The following PPFIA1 variants were observed in gnomAD, a reference collection of about 807,000 sequenced individuals.
The protein encoded by PPFIA1 is liprin-alpha-1.
Under a neutral mutation model 149.9 loss-of-function variants are expected in PPFIA1, and 25 were observed. That is an observed-to-expected ratio of 0.17 (90% confidence interval 0.12 to 0.23). PPFIA1 has a LOEUF of 0.23. Ranked by LOEUF, PPFIA1 falls within the 10% of genes least tolerant of loss-of-function variation. The probability of loss-of-function intolerance (pLI) is 1.00; values close to 1 mark genes in which losing one functional copy is unlikely to be tolerated. For missense variants in PPFIA1, 1,362 were observed against 1,506.5 expected, an observed-to-expected ratio of 0.90 and a Z score of 1.59; for synonymous variants, 549 against 552.8, an observed-to-expected ratio of 0.99 and a Z score of 0.10.
intron 2 of PPFIA1, among the ~76,000 whole-genome samples, chr11:70,311,670 T>C (rs1473585305): frequency 6.6e-6 from 1 of 152,198 alleles, no homozygotes; most frequent in East Asian, 1.9e-4. Context: ...AATGGCACTT[T>C]TGATGGTTTT....
chr11:70,276,694 T>G (rs2050397240), intron 2 of PPFIA1, among the ~76,000 whole-genome samples: 1 of 152,168 alleles, frequency 6.6e-6, no homozygotes, highest in Non-Finnish European at 1.5e-5. Context: ...GAATTAATTT[T>G]ATAGGTAGAT....
intron 26 of PPFIA1, among the ~76,000 whole-genome samples, chr11:70,381,512 A>T (rs2057710150): frequency 6.6e-6 from 1 of 152,222 alleles, no homozygotes. Flanking sequence ...CCACCCCTGC[A>T]GCCAGATCTC....
In PPFIA1 at chr11:70,339,219, C is replaced by G. The variant is rs1061328; in HGVS notation, c.1620C>G (p.Asp540Glu). 5.6e-6 allele frequency: 9 copies of G among 1,613,972 alleles called. No homozygotes were observed. The Admixed American group carries it at 1.0e-4, about 18-fold the overall frequency. Residue 540 changes from aspartate (D) to glutamate (E), a missense_variant, in exon 14 of 28, where the codon GAC (aspartate) becomes GAG (glutamate). Physicochemically the swap from Asp to Glu is conservative, Grantham distance 45 (BLOSUM62 2). This residue lies in a region of PPFIA1 where 733 missense variants were observed against 744.1 expected (regional missense o/e 0.99). Transcript: ENST00000253925. ...SVPDFRFPMA[D>E]GHTDSYSTSA... ...CAGATTTCAGGTTCCCCATGGCAGA[C>G]GGCCACACAGACTCCTACAGCACCA...
chr11:70,366,409 A>G (rs978186915), intron 21 of PPFIA1, among the ~76,000 whole-genome samples: 4 of 152,240 alleles, frequency 2.6e-5, no homozygotes, highest in Non-Finnish European at 4.4e-5. Context: ...TTTACTAAAT[A>G]CTATCCTAAT....
At position 70,337,382 on chromosome 11, in the gene PPFIA1, A is replaced by T; in HGVS notation, c.1446A>T (p.Glu482Asp). 1 of 1,597,908 alleles carries T rather than the reference A, an allele frequency of 6.3e-7. No individual in the cohort carries two copies. Among genetic ancestry groups the T allele is most frequent in the Non-Finnish European group, 8.5e-7 (1 of 1,170,998 alleles). ...ALEDKNSLLREVESAKKQLEE... is the reference protein window; with the variant it reads ...ALEDKNSLLRDVESAKKQLEE... ...TTTTTCAGAACTCTCTTTTAAGAGAAGTTGAAAGTGCAAAAAAGCAGTTAG... is the reference window on the plus strand; with the variant it reads ...TTTTTCAGAACTCTCTTTTAAGAGATGTTGAAAGTGCAAAAAAGCAGTTAG... The change falls in exon 12 of 28, where the codon GAA becomes GAT. Residue 482 changes from glutamate (E) to aspartate (D), a missense_variant. This residue lies in a region of PPFIA1 where 733 missense variants were observed against 744.1 expected (regional missense o/e 0.99). Transcript: ENST00000253925.
At chr11:70,316,100 T>C (rs1026493329) in intron 2 of PPFIA1, among the ~76,000 whole-genome samples, 16 of 152,130 alleles carry the variant, frequency 1.1e-4, no homozygotes, top group South Asian at 2.1e-4. Context: ...AGACAGAGTT[T>C]GGCTCTCATT....
At chr11:70,280,249 T>C (rs775004818) in intron 2 of PPFIA1, among the ~76,000 whole-genome samples, 1 of 148,914 alleles carries the variant, frequency 6.7e-6, no homozygotes, top group Non-Finnish European at 1.5e-5. Context: ...TATATATATA[T>C]AAATATATAT....
intron 2 of PPFIA1, among the ~76,000 whole-genome samples, chr11:70,317,822 C>T (rs1202428602): frequency 6.6e-6 from 1 of 152,156 alleles, no homozygotes; most frequent in African/African-American, 2.4e-5. Flanking sequence ...GCTCTTCCTC[C>T]ACTTCCAGGT....
At chr11:70,348,511 T>A in intron 16 of PPFIA1, 91 bp downstream of exon 16, 1 of 1,046,074 alleles carries the variant, frequency 9.6e-7, no homozygotes. Flanking sequence ...GAAAATCAAG[T>A]ACATTCGTTA....
chr11:70,329,605 C>T (rs1263560075), intron 7 of PPFIA1, among the ~76,000 whole-genome samples: 2 of 152,110 alleles, frequency 1.3e-5, no homozygotes, highest in Non-Finnish European at 2.9e-5. Context: ...TGCCACCATG[C>T]GTGGCTAATT....
In PPFIA1 at chr11:70,329,204, T is replaced by C. The variant is rs1235927175; in HGVS notation, c.931-969T>C. 5.9e-5 allele frequency among the ~76,000 whole-genome samples: 9 copies of C among 152,334 alleles called. No individual in the cohort carries two copies. In the East Asian group the frequency reaches 1.3e-3, roughly 23 times the overall value. ...TTTGTAGCGTGAGGCAGACGTAGAC[T>C]GCGTCTTCTTTGAGGACACTTTCAC... On this transcript the variant is annotated intron_variant, in intron 7 of 27. Transcript: ENST00000253925.
In PPFIA1 at chr11:70,333,452, C is replaced by T. The variant is rs753217079; in HGVS notation, c.1213-18C>T. 1.3e-5 allele frequency: 21 copies of T among 1,594,320 alleles called. No individual in the cohort carries two copies. In the African/African-American group the frequency reaches 2.0e-4, roughly 15 times the overall value. ...GAAGTGTAAGGATGACGTCAGCGTACGCTGTTTCTGCTGACAGGCTGAAGA... is the reference window on the plus strand; with the variant it reads ...GAAGTGTAAGGATGACGTCAGCGTATGCTGTTTCTGCTGACAGGCTGAAGA... On this transcript the variant is annotated intron_variant, in intron 9 of 27. Transcript: ENST00000253925.
intron 2 of PPFIA1, among the ~76,000 whole-genome samples, chr11:70,320,618 G>A (rs2053882789): frequency 6.6e-6 from 1 of 151,674 alleles, no homozygotes; most frequent in South Asian, 2.1e-4. Context: ...TTTATGTTTT[G>A]TAGAGATGGG....
At chr11:70,356,842 C>T (rs192464240) in intron 19 of PPFIA1, among the ~76,000 whole-genome samples, 29 of 152,306 alleles carry the variant, frequency 1.9e-4, no homozygotes, top group Admixed American at 1.8e-3. Context: ...AGTTTTATCT[C>T]AAATAGACTC....
chr11:70,310,707 A>G lies in PPFIA1; in HGVS notation c.265-13695A>G, dbSNP rs561068241. Among the ~76,000 whole-genome samples, 126 of 152,182 alleles carry G rather than the reference A, an allele frequency of 8.3e-4. 1 individual carries two copies. In the South Asian group the frequency reaches 0.026, roughly 31 times the overall value. On this transcript the variant is annotated intron_variant, in intron 2 of 27. Coordinates refer to ENST00000253925, the MANE Select transcript of PPFIA1 (RefSeq NM_003626.5). ...CCCCATGTACTTTTCTAAAAGCACT[A>G]AGGGCTTTTTTCCTCTTTTTCTCTT...
In PPFIA1 at chr11:70,333,475, A is replaced by G. The variant is rs2054791798; in HGVS notation, c.1218A>G (p.Glu406=). The G allele has an allele frequency of 1.2e-6, 2 of 1,612,614 alleles. No homozygotes were observed. The highest frequency in any genetic ancestry group is 1.7e-6 in the Non-Finnish European group (2 of 1,179,452). ...AQRVAALSKA[E]ERHGNIEERL... is the part of the protein sequence containing the mutation. ...TACGCTGTTTCTGCTGACAGGCTGA[A>G]GAGAGACACGGCAACATTGAAGAAA... Residue 406 remains glutamate (E), a synonymous_variant, in exon 10 of 28, where the codon GAA becomes GAG. Transcript: ENST00000253925.
rs143964646 is a variant in PPFIA1, at chr11:70,275,590, G to A, written c.264+3154G>A. Among the ~76,000 whole-genome samples, 18 of 152,170 alleles carry A rather than the reference G, an allele frequency of 1.2e-4. 1 individual carries two copies. In the East Asian group the frequency reaches 3.3e-3, roughly 28 times the overall value. ...GAAATTGACTTTGTTTATGGTATGC[G>A]ATGGGGCCAAGAGTCTCTCTTTCTT... On this transcript the variant is annotated intron_variant, in intron 2 of 27. Coordinates refer to ENST00000253925, the MANE Select transcript of PPFIA1 (RefSeq NM_003626.5).
chr11:70,283,063 C>G (rs2050874063), intron 2 of PPFIA1, among the ~76,000 whole-genome samples: 1 of 149,566 alleles, frequency 6.7e-6, no homozygotes, highest in South Asian at 2.1e-4. Flanking sequence ...TAGTCTTGAA[C>G]TTCTGACCTC....
chr11:70,328,965 A>G (rs1444911516), intron 7 of PPFIA1, among the ~76,000 whole-genome samples: 1 of 152,232 alleles, frequency 6.6e-6, no homozygotes, highest in Non-Finnish European at 1.5e-5. Context: ...TTCTGGTCCT[A>G]GCCTTAAGTG....
Sources: allele counts gnomAD v4.1 joint callset (sites outside exome capture counted in the v4.1 genomes callset), GRCh38; gene constraint gnomAD v4.1.1; regional missense constraint gnomAD v4.1.1; transcripts MANE v1.5; gene names NCBI Gene and HGNC (gene_info 2026-07-23, HGNC 2026-07-21).